DLG2: variants seen among roughly 807,000 people sequenced by gnomAD.
The protein encoded by DLG2 is discs large MAGUK scaffold protein 2, also known as disks large homolog 2.
DLG2 carries 45 observed loss-of-function variants against 132.5 expected under a neutral mutation model. The ratio of observed to expected loss-of-function variants is 0.34; its 90% CI spans 0.27 to 0.44. The LOEUF (loss-of-function observed/expected upper bound fraction) is 0.44. Ranked by LOEUF, DLG2 falls within the 20% of genes least tolerant of loss-of-function variation. The probability of loss-of-function intolerance (pLI) is 1.00; values close to 1 mark genes in which losing one functional copy is unlikely to be tolerated. For synonymous variants in DLG2, 424 were observed against 419.6 expected (o/e 1.01, Z -0.13); for missense variants, 1,045 against 1,196.9 (o/e 0.87, Z 1.87).
At chr11:85,412,044 C>G (rs1051817699) in intron 3 of DLG2, among the ~76,000 whole-genome samples, 2 of 151,828 alleles carry the variant, frequency 1.3e-5, no homozygotes, top group Admixed American at 6.6e-5. Flanking sequence ...CCAATTTGAG[C>G]TCTGATTAGT....
chr11:83,494,247 A>AT (rs1480021994), intron 21 of DLG2, among the ~76,000 whole-genome samples: 4 of 151,716 alleles, frequency 2.6e-5, no homozygotes, highest in Non-Finnish European at 4.4e-5. Flanking sequence ...ACTAACCAAA[A>AT]TGAATTGTAC....
chr11:84,110,602 A>G (rs1945808), intron 9 of DLG2, among the ~76,000 whole-genome samples: 123,704 of 152,046 alleles, frequency 0.81, 50,513 homozygotes, highest in Middle Eastern at 0.89. Flanking sequence ...CAAAGAGGAG[A>G]ACAGAAAGAA....
chr11:84,214,508 A>G (rs2096809512), intron 8 of DLG2, among the ~76,000 whole-genome samples: 1 of 151,906 alleles, frequency 6.6e-6, no homozygotes, highest in Admixed American at 6.6e-5. Flanking sequence ...CAAGAGTTCA[A>G]CCTCAGTTTT....
chr11:85,561,975 G>A (rs113528238), intron 3 of DLG2, among the ~76,000 whole-genome samples: 4 of 151,784 alleles, frequency 2.6e-5, no homozygotes, highest in South Asian at 4.2e-4. Context: ...GAGTAAAGGC[G>A]CAAGGTTACA....
At chr11:83,682,261 C>T in intron 18 of DLG2, 1 of 985,424 alleles carries the variant, frequency 1.0e-6, no homozygotes, top group East Asian at 1.1e-4. Flanking sequence ...GTCCGGTTCA[C>T]ACTTGCCTTT....
chr11:84,780,902 G>T (rs1379974348), intron 6 of DLG2, among the ~76,000 whole-genome samples: 1 of 150,014 alleles, frequency 6.7e-6, no homozygotes, highest in Non-Finnish European at 1.5e-5. Context: ...GATGGCAACT[G>T]CTCAGTTGTT....
rs540827959 is a variant in DLG2 at position 83,772,302 on chromosome 11, T to G, written c.1825+14388A>C. Among the ~76,000 whole-genome samples the G allele has an allele frequency of 2.7e-4, 41 of 151,920 alleles. No individual in the cohort carries two copies. In the East Asian group the frequency reaches 7.2e-3, roughly 27 times the overall value. On this transcript the variant is annotated intron_variant, in intron 18 of 27. Coordinates refer to ENST00000376104, the MANE Select transcript of DLG2 (RefSeq NM_001142699.3). ...ATGTGCACCTGTGGTCCCAGCTACC[T>G]GGAAGGCTGAGGTGGGAGGATCCCT...
chr11:84,759,949 A>G (rs1429746766), intron 6 of DLG2, among the ~76,000 whole-genome samples: 2 of 152,200 alleles, frequency 1.3e-5, no homozygotes, highest in African/African-American at 4.8e-5. Context: ...TTTTCTATTT[A>G]AAGTACTCCT....
intron 6 of DLG2, among the ~76,000 whole-genome samples, chr11:84,977,858 T>G (rs767656374): frequency 1.3e-5 from 2 of 152,186 alleles, no homozygotes; most frequent in Admixed American, 6.6e-5. Flanking sequence ...CTGTCAAGTA[T>G]CATTAAGAGT....
intron 5 of DLG2, among the ~76,000 whole-genome samples, chr11:85,145,623 A>G (rs1174610371): frequency 6.6e-6 from 1 of 151,822 alleles, no homozygotes; most frequent in Non-Finnish European, 1.5e-5. Flanking sequence ...ATTCGAAAGC[A>G]TTTTTCATTT....
chr11:85,022,876 A>G (rs1454706432), intron 6 of DLG2, among the ~76,000 whole-genome samples: 2 of 152,110 alleles, frequency 1.3e-5, no homozygotes, highest in Non-Finnish European at 2.9e-5. Context: ...AGTATTAGCA[A>G]CATTCACTGC....
chr11:83,584,929 C>A (rs141843445), intron 19 of DLG2, among the ~76,000 whole-genome samples: 1 of 152,160 alleles, frequency 6.6e-6, no homozygotes, highest in Admixed American at 6.5e-5. Flanking sequence ...AGACATGATT[C>A]CTGCCTTCAA....
chr11:85,345,095 TG>T (rs2082738939), intron 3 of DLG2, among the ~76,000 whole-genome samples: 1 of 152,060 alleles, frequency 6.6e-6, no homozygotes, highest in South Asian at 2.1e-4. Flanking sequence ...AGAAGCACAT[TG>T]AGGGTTGAAG....
intron 11 of DLG2, among the ~76,000 whole-genome samples, chr11:84,002,246 G>T (rs1465933206): frequency 6.6e-6 from 1 of 152,190 alleles, no homozygotes; most frequent in Non-Finnish European, 1.5e-5. Flanking sequence ...ACATGCATTA[G>T]TCTGTTTTCA....
intron 2 of DLG2, among the ~76,000 whole-genome samples, chr11:85,603,183 T>C (rs2080288088): frequency 2.6e-5 from 4 of 152,372 alleles, no homozygotes; most frequent in Admixed American, 2.0e-4. Context: ...TTTCACACTT[T>C]ACTTGCGTAA....
chr11:85,124,329 C>T (rs1323636459), intron 5 of DLG2, among the ~76,000 whole-genome samples: 1 of 152,222 alleles, frequency 6.6e-6, no homozygotes, highest in Non-Finnish European at 1.5e-5. Flanking sequence ...TCATTTTTCT[C>T]TACCATACGG....
At chr11:85,455,287 T>G (rs1316944231) in intron 3 of DLG2, among the ~76,000 whole-genome samples, 1 of 152,192 alleles carries the variant, frequency 6.6e-6, no homozygotes, top group Non-Finnish European at 1.5e-5. Flanking sequence ...TTCTGGCAAT[T>G]GTAAACGGGA....
intron 19 of DLG2, among the ~76,000 whole-genome samples, chr11:83,605,680 G>C (rs893506706): frequency 2.0e-4 from 30 of 152,222 alleles, no homozygotes. Flanking sequence ...TAAAGGTGCA[G>C]CTGCTTCCTG....
intron 8 of DLG2, among the ~76,000 whole-genome samples, chr11:84,166,459 G>A (rs2095664198): frequency 7.8e-6 from 1 of 128,912 alleles, no homozygotes; most frequent in African/African-American, 3.0e-5. Context: ...CCTAGATAGT[G>A]CCACTGTGCT....
Sources: allele counts gnomAD v4.1 joint callset (sites outside exome capture counted in the v4.1 genomes callset), GRCh38; gene constraint gnomAD v4.1.1; transcripts MANE v1.5; gene names NCBI Gene and HGNC (gene_info 2026-07-23, HGNC 2026-07-21).